Variants in WDR25 observed in about 807,000 individuals in gnomAD.
WDR25 encodes WD repeat-containing protein 25.
Under a neutral mutation model 47.7 loss-of-function variants are expected in WDR25, and 35 were observed. The ratio of observed to expected loss-of-function variants is 0.73; its 90% CI spans 0.56 to 0.97. WDR25 has a LOEUF of 0.97. WDR25 is among the 50% of genes least tolerant of loss of function. The pLI, the probability that WDR25 is intolerant of heterozygous loss-of-function variation, is 0.00. For synonymous variants in WDR25, 248 were observed against 278.9 expected (o/e 0.89, Z 1.10); for missense variants, 634 against 704.7 (o/e 0.90, Z 1.14).
intron 3 of WDR25, among the ~76,000 whole-genome samples, chr14:100,473,724 A>C (rs1029928305): frequency 6.6e-6 from 1 of 152,162 alleles, no homozygotes; most frequent in Non-Finnish European, 1.5e-5. Flanking sequence ...TGGGCTTTGG[A>C]GAAGGGGCCA....
At position 100,502,904 on chromosome 14, in the gene WDR25, G is replaced by A. The variant is rs780026930; in HGVS notation, c.1101+18780G>A. Among the ~76,000 whole-genome samples, 1 of 152,088 alleles carries A rather than the reference G, an allele frequency of 6.6e-6. No individual in the cohort carries two copies. The highest frequency in any genetic ancestry group is 1.5e-5 in the Non-Finnish European group (1 of 68,010). Reference sequence around the variant, plus strand: ...GGCACTAAAGGGCACAACATATGAGGGAATGGTGAGGGTTTTTTGTTGCTG... The same window carrying A: ...GGCACTAAAGGGCACAACATATGAGAGAATGGTGAGGGTTTTTTGTTGCTG... On this transcript the variant is annotated intron_variant, in intron 4 of 6. Coordinates refer to ENST00000402312, the MANE Select transcript of WDR25 (RefSeq NM_001161476.3). This position sits in a 1 kb window ranked among gnomAD's most constrained non-coding sequence, Gnocchi z 4.5.
chr14:100,449,807 G>A lies in WDR25; in HGVS notation c.823-18214G>A, dbSNP rs116623400. ...CCATCATGCGGTCATAGGATGAGACGTCCCAGGTTCTGGCTCTCCCTGCCT... is the reference window on the plus strand; with the variant it reads ...CCATCATGCGGTCATAGGATGAGACATCCCAGGTTCTGGCTCTCCCTGCCT... On this transcript the variant is annotated intron_variant, in intron 2 of 6. Coordinates refer to ENST00000402312, the MANE Select transcript of WDR25 (RefSeq NM_001161476.3). The surrounding 1 kb of genome is among the most constrained non-coding windows in gnomAD (Gnocchi z 4.2). 7.6e-3 allele frequency among the ~76,000 whole-genome samples: 1,159 copies of A among 152,278 alleles called. 15 individuals carry two copies. The highest frequency in any genetic ancestry group is 0.027 in the African/African-American group (1,102 of 41,546).
rs1019948034 is a variant in WDR25, at chr14:100,424,161, C to T, written c.822+42415C>T. Among the ~76,000 whole-genome samples, 4 of 152,218 alleles carry T rather than the reference C, an allele frequency of 2.6e-5. No homozygotes were observed. Among genetic ancestry groups the T allele is most frequent in the Admixed American group, 6.5e-5 (1 of 15,284 alleles). ...TTTAAGGGGAGGAAGGCACCACGGG[C>T]GAGGCCTCCCAGGCTGGCTGGGTGA... On this transcript the variant is annotated intron_variant, in intron 2 of 6. Coordinates refer to ENST00000402312, the MANE Select transcript of WDR25 (RefSeq NM_001161476.3). This position sits in a 1 kb window ranked among gnomAD's most constrained non-coding sequence, Gnocchi z 4.2.
intron 2 of WDR25, among the ~76,000 whole-genome samples, chr14:100,395,231 G>T (rs920403794): frequency 1.3e-5 from 2 of 152,100 alleles, no homozygotes; most frequent in African/African-American, 4.8e-5. Flanking sequence ...GTCTTATTTC[G>T]GTGTTCAGTC....
intron 2 of WDR25, among the ~76,000 whole-genome samples, chr14:100,393,445 A>ACGGTTC (rs1227352201): frequency 1.3e-3 from 205 of 152,310 alleles, no homozygotes; most frequent in African/African-American, 4.8e-3. Flanking sequence ...TGGTTCTGAT[A>ACGGTTC]CGGTTCCGGT....
chr14:100,415,346 A>C (rs1015688319), intron 2 of WDR25, among the ~76,000 whole-genome samples: 1 of 152,192 alleles, frequency 6.6e-6, no homozygotes, highest in Non-Finnish European at 1.5e-5. Flanking sequence ...GGCAGTCTAA[A>C]GTCATATGTG....
chr14:100,522,045 T>C (rs1028999895), intron 4 of WDR25, among the ~76,000 whole-genome samples: 3 of 152,218 alleles, frequency 2.0e-5, no homozygotes, highest in African/African-American at 7.2e-5. Context: ...TTCATTTTTT[T>C]CTGAGCTCTG....
chr14:100,469,899 G>T (rs1899771054), intron 3 of WDR25, among the ~76,000 whole-genome samples: 1 of 152,222 alleles, frequency 6.6e-6, no homozygotes, highest in Non-Finnish European at 1.5e-5. Context: ...GTTACACTCT[G>T]TTGTCTGCAT....
chr14:100,417,012 C>A (rs1416089326), intron 2 of WDR25, among the ~76,000 whole-genome samples: 1 of 152,212 alleles, frequency 6.6e-6, no homozygotes, highest in Non-Finnish European at 1.5e-5. Context: ...ATTCAGAAGT[C>A]ACAGTATTCC....
At chr14:100,382,070 C>T in intron 2 of WDR25, 1 of 702,948 alleles carries the variant, frequency 1.4e-6, no homozygotes, top group Non-Finnish European at 2.6e-6. Flanking sequence ...GGACTGGGGA[C>T]ATCCTCGGTG....
intron 5 of WDR25, among the ~76,000 whole-genome samples, chr14:100,526,675 G>C (rs2030156595): frequency 6.8e-6 from 1 of 146,280 alleles, no homozygotes; most frequent in Admixed American, 6.9e-5. Flanking sequence ...ACCACCACCA[G>C]TGTCATCACT....
intron 4 of WDR25, among the ~76,000 whole-genome samples, chr14:100,501,279 A>G (rs73351024): frequency 0.14 from 20,753 of 152,194 alleles, 4,522 homozygotes; most frequent in African/African-American, 0.46. Context: ...CTAGCAAGAC[A>G]GATGGCACTT....
rs978131275 is a variant in WDR25, at chr14:100,425,205, T to C, written c.823-42816T>C. ...TCAAGTTCCTCTTCCTTGATGTGGG[T>C]CCTGGGTCCTTGGAGGCTGGTTGTG... On this transcript the variant is annotated intron_variant, in intron 2 of 6. Coordinates refer to ENST00000402312, the MANE Select transcript of WDR25 (RefSeq NM_001161476.3). This position sits in a 1 kb window ranked among gnomAD's most constrained non-coding sequence, Gnocchi z 4.8. Among the ~76,000 whole-genome samples the C allele has an allele frequency of 1.3e-5, 2 of 152,128 alleles. No individual in the cohort carries two copies. Among genetic ancestry groups the C allele is most frequent in the Non-Finnish European group, 2.9e-5 (2 of 68,024 alleles).
At chr14:100,400,111 A>C (rs1486278474) in intron 2 of WDR25, among the ~76,000 whole-genome samples, 2 of 152,214 alleles carry the variant, frequency 1.3e-5, no homozygotes, top group African/African-American at 4.8e-5. Context: ...TTTCTGAGAC[A>C]TGGGGTCAGG....
chr14:100,441,689 T>C (rs539005959), intron 2 of WDR25, among the ~76,000 whole-genome samples: 1 of 152,168 alleles, frequency 6.6e-6, no homozygotes, highest in Non-Finnish European at 1.5e-5. Flanking sequence ...TTTCCTTATC[T>C]GTGAAATGGG....
At chr14:100,453,097 T>C (rs1595103550) in intron 2 of WDR25, among the ~76,000 whole-genome samples, 1 of 152,214 alleles carries the variant, frequency 6.6e-6, no homozygotes, top group East Asian at 1.9e-4. Context: ...CTCAGCACTT[T>C]GGACCATCAA....
rs375411133 is a variant in WDR25, at chr14:100,417,972, C to T, written c.822+36226C>T. Among the ~76,000 whole-genome samples, 18 of 150,536 alleles carry T rather than the reference C, an allele frequency of 1.2e-4. No individual in the cohort carries two copies. The East Asian group carries it at 3.2e-3, about 26-fold the overall frequency. On this transcript the variant is annotated intron_variant, in intron 2 of 6. Transcript: ENST00000402312. ...TTTTTTTTTTTTTGAGACGGAGGCT[C>T]GCTCTGTCGCCCAGGCTGGAGTGCA... is the stretch of plus-strand genomic sequence containing the variant.
In WDR25 at chr14:100,424,322, A is replaced by T. The variant is rs1898108134; in HGVS notation, c.822+42576A>T. 6.6e-6 allele frequency among the ~76,000 whole-genome samples: 1 copy of T among 152,224 alleles called. No homozygotes were observed. Among genetic ancestry groups the T allele is most frequent in the Non-Finnish European group, 1.5e-5 (1 of 68,048 alleles). On this transcript the variant is annotated intron_variant, in intron 2 of 6. Coordinates refer to ENST00000402312, the MANE Select transcript of WDR25 (RefSeq NM_001161476.3). This position sits in a 1 kb window ranked among gnomAD's most constrained non-coding sequence, Gnocchi z 4.2. Reference sequence around the variant, plus strand: ...GAGCAGGGCATTAGCCTCTGTTTCCATGACAGACTGTTCACAGCCTCACAG... The same window carrying T: ...GAGCAGGGCATTAGCCTCTGTTTCCTTGACAGACTGTTCACAGCCTCACAG...
intron 2 of WDR25, among the ~76,000 whole-genome samples, chr14:100,456,532 C>T (rs1014660024): frequency 6.6e-6 from 1 of 152,226 alleles, no homozygotes; most frequent in Admixed American, 6.5e-5. Context: ...CTAGCATGAG[C>T]TTATTAAGAA....
Sources: allele counts gnomAD v4.1 joint callset (sites outside exome capture counted in the v4.1 genomes callset), GRCh38; gene constraint gnomAD v4.1.1; non-coding constraint Gnocchi (gnomAD v3.1); transcripts MANE v1.5; gene names NCBI Gene and HGNC (gene_info 2026-07-23, HGNC 2026-07-21).